FAM3B: variants seen among roughly 807,000 people sequenced by gnomAD.
The protein encoded by FAM3B is protein FAM3B.
In FAM3B, 29 loss-of-function variants were observed where a neutral mutation model predicts 28.4. The observed-to-expected ratio is 1.02, with a 90% CI of 0.76 to 1.39. The LOEUF is 1.39. Among genes scored for constraint, FAM3B ranks in the 40% most tolerant of loss-of-function variants. The pLI, the probability that FAM3B is intolerant of heterozygous loss-of-function variation, is 0.00. For synonymous variants in FAM3B, 91 were observed against 103.0 expected (o/e 0.88, Z 0.71); for missense variants, 266 against 293.9 (o/e 0.91, Z 0.69).
Position 41,322,997 on chromosome 21 carries a change from A to G in FAM3B, c.94A>G (p.Ile32Val). The change falls in exon 2 of 8, where the codon ATT becomes GTT. Residue 32 changes from isoleucine to valine, a missense_variant. By Grantham distance (29) the Ile-to-Val change is conservative (BLOSUM62 3). Coordinates refer to ENST00000357985, the MANE Select transcript of FAM3B (RefSeq NM_058186.4). ...TTCGGGGTACCTGCTCGCAGAGCTC[A>G]TTCCAGATGCACCCCTGTCCAGTGC... ...WYSGYLLAEL[I>V]PDAPLSSAAY... 3 of 1,611,428 alleles carry G rather than the reference A, an allele frequency of 1.9e-6. No homozygotes were observed. The highest frequency in any genetic ancestry group is 8.5e-7 in the Non-Finnish European group (1 of 1,180,014).
At position 41,326,471 on chromosome 21, in the gene FAM3B, G is replaced by A. The variant is rs2088855695; in HGVS notation, c.163+3405G>A. 6.6e-6 allele frequency among the ~76,000 whole-genome samples: 1 copy of A among 152,202 alleles called. No homozygotes were observed. The highest frequency in any genetic ancestry group is 2.4e-5 in the African/African-American group (1 of 41,448). On this transcript the variant is annotated intron_variant, in intron 2 of 7. Transcript: ENST00000357985. This position sits in a 1 kb window ranked among gnomAD's most constrained non-coding sequence, Gnocchi z 4.0. Reference sequence around the variant, plus strand: ...CCACATACTCCCTGGAGGATATGAGGCACATCAAACACCTCCCTTCTGGAA... The same window carrying A: ...CCACATACTCCCTGGAGGATATGAGACACATCAAACACCTCCCTTCTGGAA...
At chr21:41,320,815 C>T (rs1238061826) in intron 1 of FAM3B, 1 of 152,220 alleles carries the variant, frequency 6.6e-6, no homozygotes, top group Non-Finnish European at 1.5e-5. Context: ...GAAGAGAGCT[C>T]CCTGCCGCAT....
intron 2 of FAM3B, among the ~76,000 whole-genome samples, chr21:41,333,079 C>G (rs1278583542): frequency 1.4e-5 from 2 of 145,062 alleles, no homozygotes; most frequent in Non-Finnish European, 3.0e-5. Context: ...ATAAACTCCT[C>G]TGTTAGAACT....
chr21:41,305,368 A>C (rs1016680247), intron 1 of FAM3B, among the ~76,000 whole-genome samples: 1 of 152,208 alleles, frequency 6.6e-6, no homozygotes. Flanking sequence ...ACTCAGTCTC[A>C]CTTAGGAATC....
rs1419260013 is a variant in FAM3B, at chr21:41,338,489, T to C, written c.275T>C (p.Phe92Ser). 6.2e-7 allele frequency: 1 copy of C among 1,614,030 alleles called. No homozygotes were observed. The highest frequency in any genetic ancestry group is 8.5e-7 in the Non-Finnish European group (1 of 1,180,016). ...GGRSKYAKIC[F>S]EDNLLMGEQL... ...AGAAGCAAGTACGCCAAAATCTGCT[T>C]TGAGGATAACCTGTAAGTACCAGCG... is the stretch of plus-strand genomic sequence containing the variant. Residue 92 changes from phenylalanine to serine, a missense_variant, in exon 3 of 8, where the codon TTT becomes TCT. Phe to Ser is a radical substitution (Grantham distance 155, BLOSUM62 -2). Transcript: ENST00000357985.
chr21:41,335,553 A>C (rs1330855829), intron 2 of FAM3B, among the ~76,000 whole-genome samples: 1 of 152,082 alleles, frequency 6.6e-6, no homozygotes, highest in Non-Finnish European at 1.5e-5. Context: ...TTTGCCTTCC[A>C]CCATGATTGT....
At chr21:41,345,618 C>A in intron 4 of FAM3B, 68 bp from the exon 5 acceptor site, 2 of 875,334 alleles carry the variant, frequency 2.3e-6, no homozygotes, top group Non-Finnish European at 1.8e-6. Context: ...CTTCCCCAGG[C>A]CCTGGTGCCA....
intron 7 of FAM3B, among the ~76,000 whole-genome samples, chr21:41,356,036 TACATACACACAC>T (rs1180973129): frequency 8.6e-5 from 9 of 104,824 alleles, no homozygotes; most frequent in African/African-American, 3.3e-4. Flanking sequence ...GGGAAAAAAA[TACATACACACAC>T]ACACACACAC....
chr21:41,345,798 G>T (rs766832371), intron 5 of FAM3B, 62 bp downstream of exon 5: 4 of 1,082,592 alleles, frequency 3.7e-6, no homozygotes, highest in Non-Finnish European at 5.6e-6. Flanking sequence ...AGATTAAAAA[G>T]CACAAAGAAA....
chr21:41,356,599 T>A (rs1379866477), intron 7 of FAM3B, among the ~76,000 whole-genome samples: 2 of 152,234 alleles, frequency 1.3e-5, no homozygotes, highest in African/African-American at 4.8e-5. Context: ...CAAGTGTGGC[T>A]AGGGGCTACT....
chr21:41,322,271 T>G (rs1401143167), intron 1 of FAM3B, among the ~76,000 whole-genome samples: 2 of 152,100 alleles, frequency 1.3e-5, no homozygotes, highest in Admixed American at 6.6e-5. Flanking sequence ...ACAAGAGAAG[T>G]AAGATATTGT....
In FAM3B at chr21:41,357,633, G is replaced by A. The variant is rs2089178403; in HGVS notation, c.*436G>A. Among the ~76,000 whole-genome samples the A allele has an allele frequency of 6.6e-6, 1 of 152,128 alleles. No individual in the cohort carries two copies. Among genetic ancestry groups the A allele is most frequent in the Non-Finnish European group, 1.5e-5 (1 of 68,040 alleles). ...GCTGGGAGAATTAGCAGCAGTTCAG[G>A]GGGCTTATGTTATGTCCTTGTTCAA... is the stretch of plus-strand genomic sequence containing the variant. On this transcript the variant is annotated 3_prime_UTR_variant, in exon 8 of 8. Transcript: ENST00000357985.
intron 2 of FAM3B, among the ~76,000 whole-genome samples, chr21:41,329,631 A>G (rs1328804548): frequency 1.3e-5 from 2 of 150,912 alleles, no homozygotes; most frequent in African/African-American, 4.9e-5. Flanking sequence ...ATGCAGTCAC[A>G]CCATCTTGGC....
At chr21:41,345,794 AAAAGC>A (rs769219198) in intron 5 of FAM3B, 58 bp downstream of exon 5, 29 of 1,097,272 alleles carry the variant, frequency 2.6e-5, no homozygotes, top group Middle Eastern at 2.0e-4. Context: ...ATTAAGATTA[AAAAGC>A]ACAAAGAAAA....
chr21:41,345,713 G>A lies in FAM3B; in HGVS notation c.374G>A (p.Arg125Gln), dbSNP rs755225863. The change falls in exon 5 of 8, where the codon CGA becomes CAA. Residue 125 changes from arginine to glutamine, a missense_variant. Physicochemically the swap from Arg to Gln is conservative, Grantham distance 43. Transcript: ENST00000357985. ...GTAACTGGGAATGTGACAGCAACAC[G>A]ATGTTTTGATATGTATGAAGGTGGT... ...NYVTGNVTATRCFDMYEGDNS... is the reference protein window; with the variant it reads ...NYVTGNVTATQCFDMYEGDNS... The A allele has an allele frequency of 9.1e-6, 14 of 1,544,334 alleles. No homozygotes were observed. The highest frequency in any genetic ancestry group is 4.8e-5 in the East Asian group (2 of 41,836).
rs79628808 is a variant in FAM3B, at chr21:41,308,200, T to C, written n.99+3890T>C. ...ACATAACAACCGTAGTGACCACTTA[T>C]GGGATGCCTCATTTGCATCCAGGAT... On this transcript the variant is annotated intron_variant and non_coding_transcript_variant, in intron 1 of 9. Transcript: ENST00000479810. Among the ~76,000 whole-genome samples, 544 of 152,350 alleles carry C rather than the reference T, an allele frequency of 3.6e-3. 5 individuals are homozygous for C. Among genetic ancestry groups the C allele is most frequent in the African/African-American group, 0.012 (506 of 41,574 alleles).
At chr21:41,355,846 A>G (rs562878166) in intron 7 of FAM3B, among the ~76,000 whole-genome samples, 40 of 152,184 alleles carry the variant, frequency 2.6e-4, no homozygotes, top group Non-Finnish European at 5.0e-4. Flanking sequence ...ATATCCCAGT[A>G]AAGCTGTTAT....
chr21:41,349,433 G>T (rs946191371), intron 7 of FAM3B, among the ~76,000 whole-genome samples: 1 of 152,142 alleles, frequency 6.6e-6, no homozygotes, highest in African/African-American at 2.4e-5. Flanking sequence ...AAATTGTGCT[G>T]CATGACCAAG....
chr21:41,356,572 C>A (rs1391389904), intron 7 of FAM3B, among the ~76,000 whole-genome samples: 2 of 152,170 alleles, frequency 1.3e-5, no homozygotes, highest in East Asian at 3.8e-4. Flanking sequence ...AGTTGGGGAC[C>A]ATCTGTACTC....
Sources: allele counts gnomAD v4.1 joint callset (sites outside exome capture counted in the v4.1 genomes callset), GRCh38; gene constraint gnomAD v4.1.1; non-coding constraint Gnocchi (gnomAD v3.1); transcripts MANE v1.5; gene names NCBI Gene and HGNC (gene_info 2026-07-23, HGNC 2026-07-21).